The following MYO1E variants were observed in gnomAD, a reference collection of about 807,000 sequenced individuals.
MYO1E encodes the protein myosin IE, also known as unconventional myosin-Ie.
In MYO1E, 68 loss-of-function variants were observed where a neutral mutation model predicts 151.1. The ratio of observed to expected loss-of-function variants is 0.45; its 90% confidence interval spans 0.37 to 0.55. The LOEUF (loss-of-function observed/expected upper bound fraction) is 0.55, where lower values mean the gene tolerates loss of function less well. Among genes scored for constraint, MYO1E ranks in the 20% least tolerant of loss-of-function variants. The probability of loss-of-function intolerance (pLI) is 0.00; values close to 1 mark genes in which losing one functional copy is unlikely to be tolerated. For synonymous variants in MYO1E, 601 were observed against 501.7 expected (o/e 1.20, Z -2.64); for missense variants, 1,363 against 1,389.3 (o/e 0.98, Z 0.30).
At chr15:59,207,904 G>A (rs1443986893) in intron 14 of MYO1E, 12 of 1,614,144 alleles carry the variant, frequency 7.4e-6, no homozygotes, top group Non-Finnish European at 9.3e-6. Context: ...AATACATCCA[G>A]TTTCCACCAT....
At chr15:59,232,088 A>T (rs1422762239) in intron 5 of MYO1E, among the ~76,000 whole-genome samples, 1 of 152,162 alleles carries the variant, frequency 6.6e-6, no homozygotes, top group Non-Finnish European at 1.5e-5. Flanking sequence ...TGATTGCTGC[A>T]ACTTCACCAA....
intron 1 of MYO1E, among the ~76,000 whole-genome samples, chr15:59,304,536 G>C (rs1385185890): frequency 6.6e-6 from 1 of 152,132 alleles, no homozygotes; most frequent in Non-Finnish European, 1.5e-5. Flanking sequence ...TAATTATTTA[G>C]GTATGACACA....
chr15:59,176,119 C>T (rs1317413560), intron 19 of MYO1E, among the ~76,000 whole-genome samples: 4 of 151,478 alleles, frequency 2.6e-5, no homozygotes, highest in African/African-American at 7.3e-5. Flanking sequence ...AGTGCAGTGG[C>T]GCGATCTCGG....
chr15:59,199,624 TATA>T (rs542693667), intron 16 of MYO1E, among the ~76,000 whole-genome samples: 7 of 152,272 alleles, frequency 4.6e-5, no homozygotes, highest in Non-Finnish European at 7.4e-5. Flanking sequence ...TTATAATCAA[TATA>T]ATAAGAGTTC....
intron 17 of MYO1E, among the ~76,000 whole-genome samples, chr15:59,193,431 T>C (rs1466196082): frequency 1.3e-5 from 2 of 152,176 alleles, no homozygotes; most frequent in Admixed American, 1.3e-4. Context: ...GGAGAAGAGA[T>C]GACAATGCTG....
At chr15:59,179,409 T>C (rs893105627) in intron 18 of MYO1E, among the ~76,000 whole-genome samples, 18 of 152,232 alleles carry the variant, frequency 1.2e-4, no homozygotes, top group Admixed American at 4.6e-4. Flanking sequence ...GGAGACCGGA[T>C]GCCACATCTG....
At chr15:59,150,283 C>T (rs2079468071) in intron 26 of MYO1E, among the ~76,000 whole-genome samples, 1 of 152,202 alleles carries the variant, frequency 6.6e-6, no homozygotes, top group Non-Finnish European at 1.5e-5. Context: ...GACAGCACCA[C>T]GTGTACCCAG....
In MYO1E at chr15:59,210,722, C is replaced by T. The variant is rs553506469; in HGVS notation, c.1276-122G>A. 183 of 690,994 alleles carry T rather than the reference C, an allele frequency of 2.6e-4. 2 individuals are homozygous for T. Among genetic ancestry groups the T allele is most frequent in the Non-Finnish European group, 4.4e-5 (17 of 385,398 alleles). 42.8% of individuals were successfully genotyped at this position (690,994 alleles called of 1,614,324 possible). A position where few individuals can be genotyped will look rare whatever the true frequency, so the allele number is the denominator to read the frequency against. Reference sequence around the variant, plus strand: ...AAACCTGAATGTCCTGCAACAAAGACCAGGGACTTTAATTTTTATTTTCTA... The same window carrying T: ...AAACCTGAATGTCCTGCAACAAAGATCAGGGACTTTAATTTTTATTTTCTA... On this transcript the variant is annotated intron_variant, in intron 12 of 27. Transcript: ENST00000288235.
chr15:59,164,752 A>C (rs2079555007), intron 22 of MYO1E, among the ~76,000 whole-genome samples: 2 of 152,196 alleles, frequency 1.3e-5, no homozygotes, highest in Non-Finnish European at 1.5e-5. Context: ...GGACTATCTC[A>C]GGCTTGTCAG....
intron 26 of MYO1E, among the ~76,000 whole-genome samples, chr15:59,153,303 G>C (rs1416718378): frequency 1.3e-5 from 2 of 152,204 alleles, no homozygotes; most frequent in African/African-American, 4.8e-5. Context: ...AAAGCACAAA[G>C]AGGTCACAGA....
At chr15:59,230,631 G>A (rs186130799) in intron 6 of MYO1E, among the ~76,000 whole-genome samples, 1 of 152,098 alleles carries the variant, frequency 6.6e-6, no homozygotes, top group Admixed American at 6.5e-5. Flanking sequence ...AAATATGAGA[G>A]ACAAACAAAT....
In MYO1E at chr15:59,256,382, G is replaced by C; in HGVS notation, c.238-4C>G. ...GTGGTGGGTTTTCATACTGTGCCTA[G>C]AAAAGCAAAAAATAATAATACATAA... On this transcript the variant is annotated splice_polypyrimidine_tract_variant and splice_region_variant and intron_variant, in intron 3 of 27. Coordinates refer to ENST00000288235, the MANE Select transcript of MYO1E (RefSeq NM_004998.4). The C allele has an allele frequency of 6.5e-7, 1 of 1,543,556 alleles. No individual in the cohort carries two copies. Among genetic ancestry groups the C allele is most frequent in the Non-Finnish European group, 8.9e-7 (1 of 1,126,322 alleles).
In MYO1E at chr15:59,174,215, T is replaced by C; in HGVS notation, c.2075A>G (p.Glu692Gly). Residue 692 changes from glutamate (E) to glycine (G), a missense_variant, in exon 20 of 28, where the codon GAG becomes GGG. Coordinates refer to ENST00000288235, the MANE Select transcript of MYO1E (RefSeq NM_004998.4). ...TCGAGCATACCCATCATACTTTCTC[T>C]CTCTCATCTCTTCTAAAAGAAATAG... ...ESLFLLEEMRERKYDGYARVI... is the reference protein window; with the variant it reads ...ESLFLLEEMRGRKYDGYARVI... The C allele has an allele frequency of 6.2e-7, 1 of 1,613,694 alleles. No homozygotes were observed. The highest frequency in any genetic ancestry group is 8.5e-7 in the Non-Finnish European group (1 of 1,179,642).
At chr15:59,176,449 C>CTTTTTTTTTTTTTTTTTTTTTTTTTT (rs68139054) in intron 19 of MYO1E, among the ~76,000 whole-genome samples, 1 of 111,982 alleles carries the variant, frequency 8.9e-6, no homozygotes. Context: ...TTTCTTTTTC[C>CTTTTTTTTTTTTTTTTTTTTTTTTTT]TTTTTTTTTT....
intron 1 of MYO1E, among the ~76,000 whole-genome samples, chr15:59,292,696 GT>G (rs2080426758): frequency 6.6e-6 from 1 of 152,202 alleles, no homozygotes; most frequent in African/African-American, 2.4e-5. Context: ...TTCCTGACCA[GT>G]GTGATGAAAA....
intron 1 of MYO1E, among the ~76,000 whole-genome samples, chr15:59,366,066 C>A (rs1035176146): frequency 2.0e-5 from 3 of 152,262 alleles, no homozygotes; most frequent in Admixed American, 2.0e-4. Flanking sequence ...GCAACCTCCG[C>A]CTCCCAAGTT....
At chr15:59,252,672 G>T (rs1331855266) in intron 4 of MYO1E, among the ~76,000 whole-genome samples, 2 of 148,204 alleles carry the variant, frequency 1.3e-5, no homozygotes, top group Non-Finnish European at 3.0e-5. Context: ...CCAAGATCGT[G>T]CCACTGCACT....
intron 1 of MYO1E, among the ~76,000 whole-genome samples, chr15:59,326,508 C>T (rs544039077): frequency 6.6e-6 from 1 of 152,296 alleles, no homozygotes; most frequent in East Asian, 1.9e-4. Context: ...GGCGACAGAG[C>T]AAGACTCCAT....
At chr15:59,197,252 C>G (rs1418314301) in intron 16 of MYO1E, among the ~76,000 whole-genome samples, 1 of 152,210 alleles carries the variant, frequency 6.6e-6, no homozygotes, top group African/African-American at 2.4e-5. Flanking sequence ...CTCAGCCTCT[C>G]AAAGTGCTGG....
Sources: allele counts gnomAD v4.1 joint callset (sites outside exome capture counted in the v4.1 genomes callset), GRCh38; gene constraint gnomAD v4.1.1; transcripts MANE v1.5; gene names NCBI Gene and HGNC (gene_info 2026-07-23, HGNC 2026-07-21).